Variants in LRBA observed in about 807,000 individuals in gnomAD.
LRBA encodes the protein lipopolysaccharide-responsive and beige-like anchor protein.
LRBA carries 176 observed loss-of-function variants against 330.0 expected under a neutral mutation model. The observed-to-expected ratio is 0.53, with a 90% CI of 0.47 to 0.60. The LOEUF is 0.60. LRBA is among the 20% of genes least tolerant of loss of function. LRBA has a pLI of 0.00. For synonymous variants in LRBA, 1,230 were observed against 1,193.0 expected (o/e 1.03, Z -0.64); for missense variants, 3,259 against 3,444.8 (o/e 0.95, Z 1.35).
intron 2 of LRBA, among the ~76,000 whole-genome samples, chr4:150,930,282 TGTAGCCTGGGCAACTGAGCGA>T (rs1265207519): frequency 6.6e-6 from 1 of 151,004 alleles, no homozygotes; most frequent in African/African-American, 2.4e-5. Flanking sequence ...GCCACTGCAC[TGTAGCCTGGGCAACTGAGCGA>T]GACTCCGTCT....
chr4:150,293,133 T>G (rs1462095400), intron 53 of LRBA, among the ~76,000 whole-genome samples: 1 of 152,166 alleles, frequency 6.6e-6, no homozygotes, highest in Admixed American at 6.5e-5. Context: ...TATATGCCAG[T>G]CATTTCCTAA....
chr4:150,555,314 C>T (rs569581638), intron 40 of LRBA, among the ~76,000 whole-genome samples: 58 of 152,042 alleles, frequency 3.8e-4, no homozygotes, highest in Non-Finnish European at 6.9e-4. Context: ...CACAGTAGAC[C>T]TTAAGACTAT....
rs142676244 is a variant in LRBA at position 150,583,374 on chromosome 4, G to A, written c.6330+4674C>T. On this transcript the variant is annotated intron_variant, in intron 40 of 56. Transcript: ENST00000651943. This position sits in a 1 kb window ranked among gnomAD's most constrained non-coding sequence, Gnocchi z 9.8. The stretch of plus-strand genomic sequence containing the variant: ...AGCGGAGCATGTCTCTCTGGGTCGA[G>A]TTCATCACGGCGTCGGGCTATCTCT... 1 of 1,614,164 alleles carries A rather than the reference G, an allele frequency of 6.2e-7. No individual in the cohort carries two copies.
chr4:150,880,252 G>A (rs1728211097), intron 17 of LRBA, among the ~76,000 whole-genome samples: 1 of 152,210 alleles, frequency 6.6e-6, no homozygotes, highest in Non-Finnish European at 1.5e-5. Flanking sequence ...CAAGTGTGGT[G>A]GTTGACACCT....
chr4:150,792,134 T>C (rs2126646020), intron 34 of LRBA, among the ~76,000 whole-genome samples: 1 of 151,802 alleles, frequency 6.6e-6, no homozygotes, highest in Non-Finnish European at 1.5e-5. Context: ...TAATCCTTTA[T>C]TTCATTACCT....
intron 44 of LRBA, among the ~76,000 whole-genome samples, chr4:150,450,005 A>G (rs1341993920): frequency 6.6e-6 from 1 of 152,170 alleles, no homozygotes; most frequent in Admixed American, 6.5e-5. Flanking sequence ...AGATTGTCAG[A>G]CTGGGCATGA....
At chr4:150,718,162 T>A (rs976492297) in intron 36 of LRBA, among the ~76,000 whole-genome samples, 4 of 152,116 alleles carry the variant, frequency 2.6e-5, no homozygotes, top group African/African-American at 9.7e-5. Flanking sequence ...AATGATGTCA[T>A]GACATTCATG....
chr4:150,459,464 T>A (rs1754489147), intron 44 of LRBA, among the ~76,000 whole-genome samples: 1 of 151,956 alleles, frequency 6.6e-6, no homozygotes. Context: ...TGAGATCAAA[T>A]CCTGAGCTTA....
intron 41 of LRBA, among the ~76,000 whole-genome samples, chr4:150,489,263 A>AATATATAATATATTACATATAC (rs1561250364): frequency 8.4e-5 from 6 of 71,642 alleles, no homozygotes; most frequent in East Asian, 9.1e-4. Context: ...ATTATATATA[A>AATATATAATATATTACATATAC]GAATATATAA....
intron 34 of LRBA, among the ~76,000 whole-genome samples, chr4:150,793,451 G>A (rs1157062526): frequency 6.6e-6 from 1 of 152,156 alleles, no homozygotes; most frequent in East Asian, 1.9e-4. Flanking sequence ...ATTAATACAG[G>A]AAAGTATGGA....
At chr4:151,004,288 G>C (rs769732499) in intron 2 of LRBA, among the ~76,000 whole-genome samples, 1 of 152,130 alleles carries the variant, frequency 6.6e-6, no homozygotes, top group South Asian at 2.1e-4. Flanking sequence ...ACCAGCTTCA[G>C]CCTACTATTA....
chr4:150,831,848 A>G lies in LRBA; in HGVS notation c.4698T>C (p.Thr1566=). ...NERHSQSCTE[T]GSENENVSLS... ...GTGATACATTCTCATTTTCACTGCC[A>G]GTTTCTGTACATGACTGGCTATGCC... Residue 1566 remains threonine (T), a synonymous_variant, in exon 29 of 57, where the codon ACT becomes ACC. Transcript: ENST00000651943. The G allele has an allele frequency of 1.3e-6, 2 of 1,599,280 alleles. No homozygotes were observed. The highest frequency in any genetic ancestry group is 1.7e-6 in the Non-Finnish European group (2 of 1,173,780).
chr4:150,396,573 T>C (rs534004719), intron 47 of LRBA, among the ~76,000 whole-genome samples: 6 of 152,026 alleles, frequency 3.9e-5, no homozygotes, highest in Non-Finnish European at 4.4e-5. Flanking sequence ...AGCTGGCATA[T>C]AAAATTAACC....
chr4:151,011,410 CA>C (rs1744825023), intron 2 of LRBA, among the ~76,000 whole-genome samples: 2 of 151,610 alleles, frequency 1.3e-5, no homozygotes, highest in Non-Finnish European at 2.9e-5. Flanking sequence ...CCAGCCTGGC[CA>C]ACATGGTGAA....
chr4:150,589,900 G>A (rs1000173832), intron 39 of LRBA, among the ~76,000 whole-genome samples: 1 of 152,040 alleles, frequency 6.6e-6, no homozygotes, highest in African/African-American at 2.4e-5. Context: ...TTTATAGAGA[G>A]GTTTACAGTT....
At chr4:150,691,054 C>T (rs1477834694) in intron 36 of LRBA, among the ~76,000 whole-genome samples, 10 of 151,554 alleles carry the variant, frequency 6.6e-5, no homozygotes, top group African/African-American at 2.2e-4. Flanking sequence ...CTCAGCCTCC[C>T]GAGTAGCTAG....
At chr4:150,903,015 A>AC (rs1238632433) in intron 13 of LRBA, among the ~76,000 whole-genome samples, 1 of 152,226 alleles carries the variant, frequency 6.6e-6, no homozygotes. Context: ...TAAAGGACTA[A>AC]CTACTTCGTT....
At chr4:150,544,942 G>A (rs1006546653) in intron 40 of LRBA, among the ~76,000 whole-genome samples, 2 of 152,150 alleles carry the variant, frequency 1.3e-5, no homozygotes, top group South Asian at 2.1e-4. Context: ...AGTTTCATGT[G>A]GTGAATCTGG....
chr4:150,742,654 TAGAAA>T (rs1478399881), intron 35 of LRBA, among the ~76,000 whole-genome samples: 1 of 152,014 alleles, frequency 6.6e-6, no homozygotes, highest in Non-Finnish European at 1.5e-5. Flanking sequence ...TCCCAGCACG[TAGAAA>T]AGAGACTCCT....
Sources: allele counts gnomAD v4.1 joint callset (sites outside exome capture counted in the v4.1 genomes callset), GRCh38; gene constraint gnomAD v4.1.1; non-coding constraint Gnocchi (gnomAD v3.1); transcripts MANE v1.5; gene names NCBI Gene and HGNC (gene_info 2026-07-23, HGNC 2026-07-21).